ELP4: variants seen among roughly 807,000 people sequenced by gnomAD.
ELP4 encodes the protein elongator complex protein 4.
ELP4 carries 51 observed loss-of-function variants against 48.9 expected under a neutral mutation model. That is an observed-to-expected ratio of 1.04 (90% CI 0.83 to 1.32). ELP4 has a LOEUF of 1.32. Ranked by LOEUF, ELP4 falls within the 40% of genes most tolerant of loss-of-function variation. The pLI, the probability that ELP4 is intolerant of heterozygous loss-of-function variation, is 0.00. For missense variants in ELP4, 519 were observed against 514.6 expected, an observed-to-expected ratio of 1.01 and a Z score of -0.08; for synonymous variants, 210 against 189.2, an observed-to-expected ratio of 1.11 and a Z score of -0.90.
chr11:31,696,571 G>T (rs901920406), intron 9 of ELP4, among the ~76,000 whole-genome samples: 3 of 152,060 alleles, frequency 2.0e-5, no homozygotes, highest in Non-Finnish European at 4.4e-5. Flanking sequence ...ATTTGCTGAG[G>T]AGTGCTTTAC....
intron 9 of ELP4, among the ~76,000 whole-genome samples, chr11:31,776,952 CAATCCAAAAAGAGCAAATATT>C (rs1948260929): frequency 6.6e-6 from 1 of 152,126 alleles, no homozygotes; most frequent in South Asian, 2.1e-4. Flanking sequence ...GTACACTTGC[CAATCCAAAAAGAGCAAATATT>C]TGGTTCTGGC....
rs536691539 is a variant in ELP4, at chr11:31,554,755, A to G, written c.381+14972A>G. Among the ~76,000 whole-genome samples, 10 of 152,104 alleles carry G rather than the reference A, an allele frequency of 6.6e-5. 1 individual carries two copies. The highest frequency in any genetic ancestry group is 2.0e-4 in the Admixed American group (3 of 15,252). On this transcript the variant is annotated intron_variant, in intron 3 of 9. Transcript: ENST00000640961. ...TTCTTCCACCCTCCAGCCCATCACAACTACCCACTCTGCTGTCTCTAGTTT... is the reference window on the plus strand; with the variant it reads ...TTCTTCCACCCTCCAGCCCATCACAGCTACCCACTCTGCTGTCTCTAGTTT...
intron 9 of ELP4, chr11:31,719,601 GA>G (rs1281266551): frequency 5.0e-6 from 2 of 396,788 alleles, no homozygotes; most frequent in African/African-American, 4.1e-5. Context: ...AATGACAGAA[GA>G]AAAAAATGTT....
In ELP4 at chr11:31,509,814, T is replaced by A. The variant is rs1955945039; in HGVS notation, c.30T>A (p.Val10=). 3 of 1,614,116 alleles carry A rather than the reference T, an allele frequency of 1.9e-6. No homozygotes were observed. The highest frequency in any genetic ancestry group is 2.2e-5 in the South Asian group (2 of 91,078). The change falls in exon 1 of 10, where the codon GTT becomes GTA. Residue 10 remains valine (V), a synonymous_variant. Transcript: ENST00000640961. ...CGGCAGTGGCAACCTGCGGTAGTGT[T>A]GCCGCGAGTACTGGGTCTGCAGTGG... MAAVATCGS[V]AASTGSAVAT... is the part of the protein sequence containing the mutation.
chr11:31,524,543 A>G (rs1273095354), intron 2 of ELP4, among the ~76,000 whole-genome samples: 3 of 152,236 alleles, frequency 2.0e-5, no homozygotes, highest in East Asian at 1.9e-4. Context: ...TTCTGCTGCA[A>G]TCAAGGGGAA....
intron 3 of ELP4, among the ~76,000 whole-genome samples, chr11:31,588,425 A>G (rs890887591): frequency 1.3e-5 from 2 of 152,148 alleles, no homozygotes; most frequent in Admixed American, 6.5e-5. Context: ...AGTGAATAAG[A>G]CTTCCAGTTT....
intron 2 of ELP4, among the ~76,000 whole-genome samples, chr11:31,532,612 C>T (rs575793122): frequency 2.6e-5 from 4 of 151,900 alleles, no homozygotes; most frequent in East Asian, 3.9e-4. Context: ...AATATGCATC[C>T]GTAACTTTAT....
intron 3 of ELP4, among the ~76,000 whole-genome samples, chr11:31,567,521 T>G (rs1310081892): frequency 6.6e-6 from 1 of 152,208 alleles, no homozygotes; most frequent in Non-Finnish European, 1.5e-5. Flanking sequence ...CTGACAGTTA[T>G]GATATTCTCC....
intron 9 of ELP4, among the ~76,000 whole-genome samples, chr11:31,666,367 A>G (rs76916244): frequency 0.027 from 4,046 of 152,224 alleles, 167 homozygotes; most frequent in African/African-American, 0.092. Flanking sequence ...ACTGAACACT[A>G]TAGCGGAAAA....
At chr11:31,526,906 C>T in intron 2 of ELP4, among the ~76,000 whole-genome samples, 1 of 151,982 alleles carries the variant, frequency 6.6e-6, no homozygotes. Context: ...TTAACCCTAT[C>T]CCTTTCTCCA....
chr11:31,666,685 C>A (rs1258038788), intron 9 of ELP4, among the ~76,000 whole-genome samples: 3 of 104,804 alleles, frequency 2.9e-5, no homozygotes, highest in Admixed American at 1.1e-4. Flanking sequence ...GAGTGAGATT[C>A]TGTCTCAAAA....
intron 9 of ELP4, chr11:31,780,606 T>C (rs1472197355): frequency 1.3e-5 from 2 of 151,762 alleles, no homozygotes; most frequent in African/African-American, 4.8e-5. Context: ...TATTTGACTT[T>C]ACTTCAAAGC....
At chr11:31,695,335 A>G (rs1946376162) in intron 9 of ELP4, among the ~76,000 whole-genome samples, 1 of 152,310 alleles carries the variant, frequency 6.6e-6, no homozygotes, top group African/African-American at 2.4e-5. Flanking sequence ...TGTCCCATCA[A>G]TACCTAATTT....
intron 9 of ELP4, chr11:31,706,959 C>A (rs1239020682): frequency 2.5e-6 from 1 of 398,094 alleles, no homozygotes; most frequent in Non-Finnish European, 4.4e-6. Flanking sequence ...TATGTATACA[C>A]CACATTTTCT....
At chr11:31,633,619 C>T (rs953059863) in intron 7 of ELP4, 1 of 151,964 alleles carries the variant, frequency 6.6e-6, no homozygotes, top group Non-Finnish European at 1.5e-5. Context: ...TCATGCTAGA[C>T]ATTGTATACA....
chr11:31,731,744 C>G lies in ELP4; in HGVS notation c.1144-51649C>G, dbSNP rs567853871. 3.3e-5 allele frequency among the ~76,000 whole-genome samples: 5 copies of G among 152,076 alleles called. No homozygotes were observed. The East Asian group carries it at 9.6e-4, about 29-fold the overall frequency. ...CCAAAGAAGATGAATCCAATGAAGT[C>G]AACACTAAGACACATTATAATCAAA... On this transcript the variant is annotated intron_variant, in intron 9 of 9. Coordinates refer to ENST00000640961, the MANE Select transcript of ELP4 (RefSeq NM_019040.5).
chr11:31,562,163 A>G (rs545098409), intron 3 of ELP4, among the ~76,000 whole-genome samples: 16 of 152,360 alleles, frequency 1.1e-4, no homozygotes, highest in Admixed American at 4.6e-4. Flanking sequence ...GATTAATTAC[A>G]TACGGAAATT....
Position 31,788,835 on chromosome 11 carries a change from C to G in ELP4, c.*5311C>G, listed in dbSNP as rs1948926626. The G allele has an allele frequency of 4.9e-6, 1 of 204,920 alleles. No homozygotes were observed. Among genetic ancestry groups the G allele is most frequent in the South Asian group, 1.9e-4 (1 of 5,252 alleles). 12.7% of individuals were successfully genotyped at this position (204,920 alleles called of 1,614,324 possible). ...TTTTAAGGATCATCAGGATGTAAAA[C>G]AGAGTGTGTGTGAAAGTAACCATTG... On this transcript the variant is annotated 3_prime_UTR_variant, in exon 10 of 10. Transcript: ENST00000640961.
At position 31,789,723 on chromosome 11, in the gene ELP4, T is replaced by C. The variant is rs1341567241; in HGVS notation, c.*6199T>C. 1.4e-6 allele frequency: 1 copy of C among 705,216 alleles called. No individual in the cohort carries two copies. Among genetic ancestry groups the C allele is most frequent in the African/African-American group, 1.7e-5 (1 of 57,246 alleles). The allele number at this position is 705,216 out of a possible 1,614,324, so 43.7% of individuals were successfully genotyped here. ...AAGTTTGGATACCAAAATGAAGATT[T>C]GTTCCAACTGATATCGTGCCTTCTG... is the stretch of plus-strand genomic sequence containing the variant. On this transcript the variant is annotated 3_prime_UTR_variant, in exon 10 of 10. Transcript: ENST00000640961.
Sources: allele counts gnomAD v4.1 joint callset (sites outside exome capture counted in the v4.1 genomes callset), GRCh38; gene constraint gnomAD v4.1.1; transcripts MANE v1.5; gene names NCBI Gene and HGNC (gene_info 2026-07-23, HGNC 2026-07-21).